The following FRMD4A variants were observed in gnomAD, a reference collection of about 807,000 sequenced individuals.
The protein encoded by FRMD4A is FERM domain-containing protein 4A.
A neutral mutation model predicts 129.1 loss-of-function variants in FRMD4A; 29 were observed. That is an observed-to-expected ratio of 0.22 (90% CI 0.17 to 0.31). FRMD4A has a LOEUF of 0.31. FRMD4A is among the 10% of genes least tolerant of loss of function. The pLI is 1.00. For synonymous variants in FRMD4A, 634 were observed against 571.6 expected, an observed-to-expected ratio of 1.11 and a Z score of -1.56; for missense variants, 1,272 against 1,375.8, an observed-to-expected ratio of 0.92 and a Z score of 1.19.
intron 9 of FRMD4A, among the ~76,000 whole-genome samples, chr10:13,742,809 A>T (rs2091084752): frequency 6.6e-6 from 1 of 151,848 alleles, no homozygotes; most frequent in Non-Finnish European, 1.5e-5. Flanking sequence ...GAGTCACTAT[A>T]CCCGGCCCTA....
At chr10:14,249,812 T>C (rs1844374343) in intron 2 of FRMD4A, among the ~76,000 whole-genome samples, 1 of 152,126 alleles carries the variant, frequency 6.6e-6, no homozygotes, top group South Asian at 2.1e-4. Context: ...AAATCCTAAG[T>C]GGAAAAAACG....
intron 20 of FRMD4A, 83 bp from the exon 21 acceptor site, chr10:13,659,573 C>T: frequency 7.2e-7 from 1 of 1,380,504 alleles, no homozygotes; most frequent in Non-Finnish European, 1.0e-6. Context: ...GACAATGATC[C>T]CAGCATGTGG....
chr10:14,070,131 G>A (rs1255160160), intron 2 of FRMD4A, among the ~76,000 whole-genome samples: 2 of 152,004 alleles, frequency 1.3e-5, no homozygotes, highest in African/African-American at 4.8e-5. Context: ...TCCCCACACT[G>A]TCATATTGCC....
chr10:14,123,322 C>G (rs887326111), intron 2 of FRMD4A, among the ~76,000 whole-genome samples: 1 of 152,184 alleles, frequency 6.6e-6, no homozygotes, highest in African/African-American at 2.4e-5. Context: ...GGCCATCATT[C>G]CAGCTCTGCC....
At chr10:13,972,455 A>T (rs2095524022) in intron 2 of FRMD4A, 1 of 244,558 alleles carries the variant, frequency 4.1e-6, no homozygotes, top group African/African-American at 2.3e-5. Flanking sequence ...ATGGCTGGAA[A>T]GAATACTTAT....
chr10:14,232,829 A>G (rs1349073642), intron 2 of FRMD4A, among the ~76,000 whole-genome samples: 1 of 152,170 alleles, frequency 6.6e-6, no homozygotes, highest in African/African-American at 2.4e-5. Flanking sequence ...TTGGGCAGAG[A>G]CTTTAGGGTT....
chr10:13,993,883 G>A (rs1309849855), intron 2 of FRMD4A, among the ~76,000 whole-genome samples: 2 of 151,764 alleles, frequency 1.3e-5, no homozygotes, highest in African/African-American at 2.4e-5. Flanking sequence ...TTAGCACTAG[G>A]ATTATGCTGC....
At chr10:13,810,973 T>C (rs1479147112) in intron 3 of FRMD4A, 65 bp from the exon 4 acceptor site, 1 of 769,004 alleles carries the variant, frequency 1.3e-6, no homozygotes, top group Non-Finnish European at 2.2e-6. Flanking sequence ...AAATATGCAA[T>C]CTCAGGTTTC....
intron 6 of FRMD4A, among the ~76,000 whole-genome samples, chr10:13,781,799 G>A (rs10796124): frequency 0.77 from 116,060 of 151,698 alleles, 45,081 homozygotes; most frequent in African/African-American, 0.89. Flanking sequence ...ACAAAAAGTA[G>A]TGGTTGCCAG....
At chr10:14,045,237 G>C (rs1240619631) in intron 2 of FRMD4A, among the ~76,000 whole-genome samples, 3 of 151,344 alleles carry the variant, frequency 2.0e-5, no homozygotes, top group Non-Finnish European at 4.4e-5. Flanking sequence ...TTACACTGTA[G>C]CCTAGCAAAA....
chr10:13,879,930 G>A (rs2094529033), intron 2 of FRMD4A, among the ~76,000 whole-genome samples: 1 of 151,874 alleles, frequency 6.6e-6, no homozygotes, highest in African/African-American at 2.4e-5. Context: ...ACAGGTGTGA[G>A]CCACCACGCT....
intron 3 of FRMD4A, among the ~76,000 whole-genome samples, chr10:13,826,324 G>A (rs1270710580): frequency 6.6e-6 from 1 of 152,182 alleles, no homozygotes; most frequent in African/African-American, 2.4e-5. Context: ...TACACGGTGA[G>A]GGGAATAGAA....
chr10:13,769,548 G>A (rs1011867724), intron 6 of FRMD4A, among the ~76,000 whole-genome samples: 10 of 152,062 alleles, frequency 6.6e-5, no homozygotes, highest in Non-Finnish European at 1.5e-4. Context: ...GGGCTCAAGT[G>A]ATCCACCCAC....
In FRMD4A at chr10:13,857,694, C is replaced by G. The variant is rs558085833; in HGVS notation, c.111+1153G>C. On this transcript the variant is annotated intron_variant, in intron 3 of 24. Coordinates refer to ENST00000357447, the MANE Select transcript of FRMD4A (RefSeq NM_018027.5). ...CCCCCATGAGCAGATGGCATCCTCT[C>G]AACTCACTGATGAACTGCAGCTTCC... 6.0e-4 allele frequency among the ~76,000 whole-genome samples: 91 copies of G among 152,320 alleles called. 2 individuals carry two copies. The highest frequency in any genetic ancestry group is 3.4e-3 in the Middle Eastern group (1 of 294).
chr10:14,024,799 C>T (rs958994836), intron 2 of FRMD4A, among the ~76,000 whole-genome samples: 1 of 152,208 alleles, frequency 6.6e-6, no homozygotes, highest in Non-Finnish European at 1.5e-5. Flanking sequence ...GGGGTGAAAG[C>T]AAGAGTGGGG....
chr10:13,656,541 C>G, intron 22 of FRMD4A, 95 bp downstream of exon 22: 1 of 1,266,278 alleles, frequency 7.9e-7, no homozygotes, highest in Non-Finnish European at 1.0e-6. Context: ...CTCACTGCAC[C>G]CAGTCCTAAG....
intron 2 of FRMD4A, among the ~76,000 whole-genome samples, chr10:13,953,747 A>T (rs2095390025): frequency 6.6e-6 from 1 of 152,206 alleles, no homozygotes; most frequent in African/African-American, 2.4e-5. Flanking sequence ...ATCTCTTACT[A>T]TGCCTAATTT....
At chr10:14,115,269 G>T (rs1175375704) in intron 2 of FRMD4A, among the ~76,000 whole-genome samples, 26 of 152,196 alleles carry the variant, frequency 1.7e-4, no homozygotes. Flanking sequence ...CACGCTGCAG[G>T]TATAGGCAAA....
intron 2 of FRMD4A, among the ~76,000 whole-genome samples, chr10:14,237,760 C>T (rs745961083): frequency 6.6e-6 from 1 of 152,208 alleles, no homozygotes; most frequent in Non-Finnish European, 1.5e-5. Context: ...TAGGCAAATG[C>T]TCTTCATTAT....
Sources: gnomAD v4.1 joint callset for allele counts (sites outside exome capture counted in the v4.1 genomes callset) on GRCh38, gnomAD v4.1.1 for gene constraint, MANE v1.5 for transcripts, NCBI Gene and HGNC (gene_info 2026-07-23, HGNC 2026-07-21) for gene names.